STK33: variants seen among roughly 807,000 people sequenced by gnomAD.
The protein encoded by STK33 is serine/threonine-protein kinase 33.
STK33 carries 52 observed loss-of-function variants against 58.0 expected under a neutral mutation model. The ratio of observed to expected loss-of-function variants is 0.90; its 90% confidence interval spans 0.72 to 1.13. The LOEUF (loss-of-function observed/expected upper bound fraction) is 1.13. STK33 is among the 50% of genes most tolerant of loss of function. The probability of loss-of-function intolerance (pLI) is 0.00; values close to 1 mark genes in which losing one functional copy is unlikely to be tolerated. For synonymous variants in STK33, 215 were observed against 200.1 expected (o/e 1.07, Z -0.63); for missense variants, 630 against 604.2 (o/e 1.04, Z -0.45).
At chr11:8,590,872 T>G (rs1271505758) in intron 1 of STK33, among the ~76,000 whole-genome samples, 1 of 152,200 alleles carries the variant, frequency 6.6e-6, no homozygotes, top group Admixed American at 6.5e-5. Context: ...GCATACCAAT[T>G]TAACAATGCC....
chr11:8,335,331 C>T, the STK33 span, among the ~76,000 whole-genome samples: 9,329 of 152,192 alleles, frequency 0.061, 341 homozygotes, highest in Non-Finnish European at 0.082. Flanking sequence ...AGGAAACTCC[C>T]GAGGGCTCCC....
At chr11:8,464,666 A>G (rs1245035417) in intron 7 of STK33, 43 bp downstream of exon 7, 3 of 1,431,544 alleles carry the variant, frequency 2.1e-6, no homozygotes, top group African/African-American at 1.4e-5. Context: ...CCCACCCTGC[A>G]CTAACACTGT....
At chr11:8,360,633 T>C in the STK33 span, among the ~76,000 whole-genome samples, 1 of 152,254 alleles carries the variant, frequency 6.6e-6, no homozygotes, top group African/African-American at 2.4e-5. Context: ...CTGGGGCTCC[T>C]CTTCCAGGCT....
At chr11:8,345,291 G>T in the STK33 span, among the ~76,000 whole-genome samples, 2 of 152,162 alleles carry the variant, frequency 1.3e-5, no homozygotes, top group Non-Finnish European at 2.9e-5. Flanking sequence ...AATATTAGTC[G>T]TAAAACCACT....
intron 14 of STK33, among the ~76,000 whole-genome samples, chr11:8,417,465 TC>T (rs1941291913): frequency 6.6e-6 from 1 of 152,122 alleles, no homozygotes. Context: ...ATAGTGCCTA[TC>T]AGTGCTTTGT....
chr11:8,473,303 A>C (rs1222239711), intron 5 of STK33, 27 bp from the exon 6 acceptor site: 1 of 1,379,228 alleles, frequency 7.3e-7, no homozygotes, highest in Non-Finnish European at 1.0e-6. Flanking sequence ...AATTAAAAAA[A>C]AAAAACTTTA....
At chr11:8,554,381 T>C (rs1037668547) in intron 1 of STK33, among the ~76,000 whole-genome samples, 6 of 139,632 alleles carry the variant, frequency 4.3e-5, no homozygotes, top group Non-Finnish European at 9.0e-5. Flanking sequence ...ATCACGCCAC[T>C]GCACTCCAGC....
At chr11:8,521,413 G>A (rs1302056246) in intron 1 of STK33, among the ~76,000 whole-genome samples, 1 of 152,108 alleles carries the variant, frequency 6.6e-6, no homozygotes, top group East Asian at 1.9e-4. Context: ...TGGGAAAACT[G>A]GTCAGCCATA....
chr11:8,447,587 T>C (rs973252951), intron 11 of STK33, among the ~76,000 whole-genome samples: 19 of 151,960 alleles, frequency 1.3e-4, no homozygotes, highest in African/African-American at 2.9e-4. Flanking sequence ...AATTCAACAA[T>C]GCTTCATGCT....
intron 1 of STK33, among the ~76,000 whole-genome samples, chr11:8,488,898 T>A (rs1950372372): frequency 6.6e-6 from 1 of 152,166 alleles, no homozygotes; most frequent in African/African-American, 2.4e-5. Context: ...ATGTTGAACT[T>A]ACTAGACAAA....
chr11:8,405,604 T>C lies in STK33; in HGVS notation c.1344+7891A>G, dbSNP rs1192755340. Among the ~76,000 whole-genome samples the C allele has an allele frequency of 3.3e-5, 5 of 152,208 alleles. No individual in the cohort carries two copies. In the South Asian group the frequency reaches 8.3e-4, roughly 25 times the overall value. The stretch of plus-strand genomic sequence containing the variant: ...TACCAGTTTTTAAAAGTGCTTTCTG[T>C]GTCTATGTTCTAAGAATCTTTGACT... On this transcript the variant is annotated intron_variant, in intron 15 of 15. Coordinates refer to ENST00000687296, the MANE Select transcript of STK33 (RefSeq NM_001352389.2).
chr11:8,431,110 C>T (rs1433349321), intron 14 of STK33, among the ~76,000 whole-genome samples: 1 of 152,068 alleles, frequency 6.6e-6, no homozygotes, highest in East Asian at 1.9e-4. Context: ...TGTGATCCGC[C>T]TGCCTCGGCC....
chr11:8,531,536 A>G (rs1954549036), intron 1 of STK33, among the ~76,000 whole-genome samples: 1 of 152,208 alleles, frequency 6.6e-6, no homozygotes, highest in Non-Finnish European at 1.5e-5. Flanking sequence ...CCAGCTGTCA[A>G]CAGATGCTGG....
At chr11:8,512,319 T>C (rs957153813) in intron 1 of STK33, among the ~76,000 whole-genome samples, 1 of 125,652 alleles carries the variant, frequency 8.0e-6, no homozygotes, top group Non-Finnish European at 1.7e-5. Flanking sequence ...CTTGTGGAAA[T>C]AGAGGGTAGA....
chr11:8,335,449 C>T, the STK33 span, among the ~76,000 whole-genome samples: 11,436 of 152,266 alleles, frequency 0.075, 516 homozygotes, highest in Middle Eastern at 0.13. Flanking sequence ...TGAAGGCTGA[C>T]GACCTCCAAA....
chr11:8,413,324 C>T (rs1379953796), intron 15 of STK33, among the ~76,000 whole-genome samples, 171 bp downstream of exon 15: 3 of 152,170 alleles, frequency 2.0e-5, no homozygotes, highest in African/African-American at 7.2e-5. Context: ...AACATGTAGG[C>T]CACCTCGCTA....
chr11:8,552,136 C>G (rs565402039), intron 1 of STK33, among the ~76,000 whole-genome samples: 1 of 152,310 alleles, frequency 6.6e-6, no homozygotes, highest in Admixed American at 6.5e-5. Flanking sequence ...ACCTCCAATT[C>G]CCTCCTATCA....
chr11:8,467,943 C>CA (rs372742902), intron 6 of STK33, among the ~76,000 whole-genome samples: 2,694 of 140,540 alleles, frequency 0.019, 43 homozygotes, highest in African/African-American at 0.047. Flanking sequence ...GACTCCATCT[C>CA]AAAAAAAAAA....
At chr11:8,438,766 T>A (rs1242628391) in intron 12 of STK33, among the ~76,000 whole-genome samples, 2 of 152,216 alleles carry the variant, frequency 1.3e-5, no homozygotes, top group African/African-American at 4.8e-5. Context: ...GTTTGACTCA[T>A]GGTTTCTAGA....
Sources: gnomAD v4.1 joint callset for allele counts (sites outside exome capture counted in the v4.1 genomes callset) on GRCh38, gnomAD v4.1.1 for gene constraint, MANE v1.5 for transcripts, NCBI Gene and HGNC (gene_info 2026-07-23, HGNC 2026-07-21) for gene names.